Variants in DPEP2 observed in about 807,000 individuals in gnomAD.
The protein encoded by DPEP2 is dipeptidase 2.
Under a neutral mutation model 51.8 loss-of-function variants are expected in DPEP2, and 45 were observed. That is an observed-to-expected ratio of 0.87 (90% CI 0.68 to 1.11). The LOEUF is 1.11. DPEP2 is among the 50% of genes most tolerant of loss of function. DPEP2 has a pLI of 0.00. For missense variants in DPEP2, 604 were observed against 631.9 expected (o/e 0.96, Z 0.47); for synonymous variants, 255 against 262.7 (o/e 0.97, Z 0.28).
rs540505554 is a variant in DPEP2 at position 67,989,390 on chromosome 16, C to T, written c.1003G>A (p.Asp335Asn). The T allele has an allele frequency of 7.4e-6, 12 of 1,614,090 alleles. No individual in the cohort carries two copies. Among genetic ancestry groups the T allele is most frequent in the South Asian group, 6.6e-5 (6 of 91,062 alleles). ...ANVSTVADHF[D>N]HIKAVIGSKF... ...GATCCAATGACAGCCTTGATGTGGT[C>T]GAAGTGATCTGGGGAGGGGGAAGGT... is the stretch of plus-strand genomic sequence containing the variant. Residue 335 changes from aspartate to asparagine, a missense_variant, in exon 9 of 11, where the codon GAC (aspartate) becomes AAC (asparagine). Coordinates refer to ENST00000393847, the MANE Select transcript of DPEP2 (RefSeq NM_022355.4).
At chr16:67,989,551 C>A (rs920179013) in intron 8 of DPEP2, among the ~76,000 whole-genome samples, 153 bp from the exon 9 acceptor site, 5 of 152,148 alleles carry the variant, frequency 3.3e-5, no homozygotes, top group African/African-American at 1.2e-4. Flanking sequence ...AACCTGAGAA[C>A]CCTGAGGTTT....
intron 1 of DPEP2, among the ~76,000 whole-genome samples, chr16:67,998,279 G>C (rs1326623330): frequency 3.3e-5 from 5 of 150,208 alleles, no homozygotes; most frequent in African/African-American, 1.2e-4. Context: ...GTTTCGGGTG[G>C]GCGTGGGCTT....
In DPEP2 at chr16:67,987,943, A is replaced by T; in HGVS notation, c.1115T>A (p.Ile372Lys). 1 of 1,614,128 alleles carries T rather than the reference A, an allele frequency of 6.2e-7. No individual in the cohort carries two copies. The highest frequency in any genetic ancestry group is 8.5e-7 in the Non-Finnish European group (1 of 1,180,020). Residue 372 changes from isoleucine (I) to lysine (K), a missense_variant, in exon 10 of 11, where the codon ATA becomes AAA. Physicochemically the swap from Ile to Lys is moderately radical, Grantham distance 102. Coordinates refer to ENST00000393847, the MANE Select transcript of DPEP2 (RefSeq NM_022355.4). ...CCAGCCACGACTCAGCAACTCCTCT[A>T]TCAGGACCGGGTATGTGGACACGTC... Reference protein sequence around the residue: ...LEDVSTYPVLIEELLSRGWSE... With the variant: ...LEDVSTYPVLKEELLSRGWSE...
intron 1 of DPEP2, chr16:67,993,810 T>C: frequency 1.0e-6 from 1 of 985,692 alleles, no homozygotes. Context: ...AATGAGGGGT[T>C]AACCCTGTGG....
chr16:67,992,384 A>G (rs2032279780), intron 3 of DPEP2, 126 bp downstream of exon 3: 2 of 1,476,788 alleles, frequency 1.4e-6, no homozygotes, highest in Non-Finnish European at 1.8e-6. Flanking sequence ...CATCCATATC[A>G]TGACACTTTT....
intron 7 of DPEP2, 27 bp from the exon 8 acceptor site, chr16:67,990,158 A>G: frequency 1.2e-6 from 2 of 1,611,706 alleles, no homozygotes; most frequent in Non-Finnish European, 1.7e-6. Context: ...GTGGACACTT[A>G]GCCTGGCCCC....
chr16:67,998,562 G>A (rs6499153), intron 1 of DPEP2, among the ~76,000 whole-genome samples: 5,623 of 152,286 alleles, frequency 0.037, 296 homozygotes, highest in African/African-American at 0.12. Flanking sequence ...GCTCCACAGC[G>A]CCCAGTCCCA....
rs1233160888 is a variant in DPEP2, at chr16:67,991,728, CCA to C, written c.662+108_662+109del. On this transcript the variant is annotated intron_variant, in intron 5 of 10. Coordinates refer to ENST00000393847, the MANE Select transcript of DPEP2 (RefSeq NM_022355.4). The surrounding 1 kb of genome is among the most constrained non-coding windows in gnomAD (Gnocchi z 5.1). The stretch of plus-strand genomic sequence containing the variant: ...CAGAATCCCAGCTCCCCTCCCCACT[CCA>C]GAGTCAGTGCCACATCCCATGGGTA... 7 of 1,474,390 alleles carry C rather than the reference CCA, an allele frequency of 4.7e-6. No individual in the cohort carries two copies. The highest frequency in any genetic ancestry group is 4.7e-5 in the East Asian group (2 of 42,682). The allele number at this position is 1,474,390 out of a possible 1,614,324, so 91.3% of individuals were successfully genotyped here.
chr16:67,992,927 G>A (rs549483132), intron 2 of DPEP2, 23 bp downstream of exon 2: 3 of 1,597,088 alleles, frequency 1.9e-6, no homozygotes, highest in African/African-American at 1.3e-5. Context: ...AGCTCCCATC[G>A]CCCCCTTGCA....
At position 67,990,976 on chromosome 16, in the gene DPEP2, G is replaced by A. The variant is rs760294074; in HGVS notation, c.754C>T (p.Arg252Cys). Residue 252 changes from arginine to cysteine, a missense_variant, in exon 7 of 11, where the codon CGC (arginine) becomes TGC (cysteine). Physicochemically the swap from Arg to Cys is radical, Grantham distance 180. Transcript: ENST00000393847. ...GATAAGTCTACCATCATGCCCAGGC[G>A]GTTCATTTCTGCCACCACCTTCTGC... ...FGEKVVAEMN[R>C]LGMMVDLSHV... The A allele has an allele frequency of 5.0e-6, 8 of 1,614,046 alleles. No homozygotes were observed. Among genetic ancestry groups the A allele is most frequent in the Admixed American group, 1.7e-5 (1 of 60,026 alleles).
chr16:67,987,824 G>A (rs762627484), intron 10 of DPEP2, 28 bp downstream of exon 10: 8 of 1,613,972 alleles, frequency 5.0e-6, no homozygotes, highest in Middle Eastern at 1.6e-4. Context: ...CAGACCCCTC[G>A]GCTACTCTCT....
chr16:67,999,390 A>G lies in DPEP2; in HGVS notation c.-61T>C, dbSNP rs769023320. ...GACGCGCTACCTTAAGAGCTGTAAC[A>G]CTCACTGCGAGGGTCTGCAGCTTCA... On this transcript the variant is annotated 5_prime_UTR_variant, in exon 1 of 11. Coordinates refer to ENST00000393847, the MANE Select transcript of DPEP2 (RefSeq NM_022355.4). 1.2e-5 allele frequency: 8 copies of G among 653,908 alleles called. No homozygotes were observed. Among genetic ancestry groups the G allele is most frequent in the Non-Finnish European group, 1.5e-5 (8 of 526,272 alleles). 40.5% of individuals were successfully genotyped at this position (653,908 alleles called of 1,614,324 possible).
At position 67,992,499 on chromosome 16, in the gene DPEP2, C is replaced by T. The variant is rs200733843; in HGVS notation, c.390+11G>A. On this transcript the variant is annotated intron_variant, in intron 3 of 10. Transcript: ENST00000393847. The stretch of plus-strand genomic sequence containing the variant: ...AGCCATGCTGTGGCACCTCGTGTAT[C>T]CCTGTGGTACCTGGGCGCCCACGAG... The T allele has an allele frequency of 6.2e-7, 1 of 1,607,502 alleles. No individual in the cohort carries two copies. Among genetic ancestry groups the T allele is most frequent in the Non-Finnish European group, 8.5e-7 (1 of 1,175,748 alleles).
chr16:67,999,612 C>T (rs928116602), upstream of DPEP2: 1 of 509,102 alleles, frequency 2.0e-6, no homozygotes, highest in Non-Finnish European at 2.5e-6. Flanking sequence ...CCCACGATGC[C>T]TGGCCTGTTC....
chr16:67,999,952 C>A (rs531922450), upstream of DPEP2, among the ~76,000 whole-genome samples: 6 of 152,268 alleles, frequency 3.9e-5, no homozygotes, highest in Middle Eastern at 3.4e-3. Context: ...GCCTGAAGTT[C>A]TTCCGTGGCT....
chr16:67,991,207 TCTGA>T lies in DPEP2; in HGVS notation c.663-27_663-24del, dbSNP rs1398410278. On this transcript the variant is annotated intron_variant, in intron 5 of 10. Transcript: ENST00000393847. The surrounding 1 kb of genome is among the most constrained non-coding windows in gnomAD (Gnocchi z 5.1). ...GCCCTGCAGGGTGGCCAGGAAGCAG[TCTGA>T]CTGGTAGCTGTTCCTCGGCCTCAAG... The T allele has an allele frequency of 1.2e-6, 2 of 1,611,646 alleles. No individual in the cohort carries two copies. Among genetic ancestry groups the T allele is most frequent in the Admixed American group, 1.7e-5 (1 of 59,972 alleles).
chr16:67,987,878 G>A lies in DPEP2; in HGVS notation c.1180C>T (p.Leu394=), dbSNP rs151061171. 6.2e-7 allele frequency: 1 copy of A among 1,614,162 alleles called. No individual in the cohort carries two copies. Among genetic ancestry groups the A allele is most frequent in the Non-Finnish European group, 8.5e-7 (1 of 1,180,030 alleles). Residue 394 remains leucine (L), a synonymous_variant, in exon 10 of 11, where the codon CTG becomes TTG. Coordinates refer to ENST00000393847, the MANE Select transcript of DPEP2 (RefSeq NM_022355.4). The part of the protein sequence containing the change: ...ELQGVLRGNL[L]RVFRQVEKVQ... ...TTTTCCACTTGTCTGAAGACCCGCA[G>A]CAGGTTTCCACGAAGGACACCCTGA...
At chr16:67,992,015 G>C (rs778358758) in intron 4 of DPEP2, 36 bp from the exon 5 acceptor site, 1 of 1,613,960 alleles carries the variant, frequency 6.2e-7, no homozygotes, top group Non-Finnish European at 8.5e-7. Context: ...ACTTTCCAGG[G>C]CTGGAGTAGC....
chr16:67,988,148 C>T, intron 9 of DPEP2, 161 bp from the exon 10 acceptor site: 2 of 755,502 alleles, frequency 2.6e-6, no homozygotes, highest in African/African-American at 1.8e-5. Flanking sequence ...CAGAAGGAGG[C>T]CTCAAAACCT....
Sources: gnomAD v4.1 joint callset for allele counts (sites outside exome capture counted in the v4.1 genomes callset) on GRCh38, gnomAD v4.1.1 for gene constraint, Gnocchi (gnomAD v3.1) non-coding constraint, MANE v1.5 for transcripts, NCBI Gene and HGNC (gene_info 2026-07-23, HGNC 2026-07-21) for gene names.